SETX: variants seen among roughly 807,000 people sequenced by gnomAD.
SETX encodes helicase senataxin.
In SETX, 90 loss-of-function variants were observed where a neutral mutation model predicts 227.2. That is an observed-to-expected ratio of 0.40 (90% CI 0.33 to 0.47). The LOEUF (loss-of-function observed/expected upper bound fraction) is 0.47. Ranked by LOEUF, SETX falls within the 20% of genes least tolerant of loss-of-function variation. The probability of loss-of-function intolerance (pLI) is 0.91; values close to 1 mark genes in which losing one functional copy is unlikely to be tolerated. For synonymous variants in SETX, 1,210 were observed against 1,113.2 expected (o/e 1.09, Z -1.73); for missense variants, 3,052 against 3,181.5 (o/e 0.96, Z 0.98).
intron 24 of SETX, among the ~76,000 whole-genome samples, 180 bp from the exon 25 acceptor site, chr9:132,269,882 C>G (rs953523516): frequency 4.8e-5 from 7 of 144,882 alleles, no homozygotes; most frequent in South Asian, 2.3e-4. Context: ...CCGTGTGAGA[C>G]ACAGGTGGAT....
rs1844793539 is a variant in SETX at position 132,298,297 on chromosome 9, G to A, written c.5564C>T (p.Thr1855Ile). 1.9e-6 allele frequency: 3 copies of A among 1,613,696 alleles called. No homozygotes were observed. Among genetic ancestry groups the A allele is most frequent in the African/African-American group, 2.7e-5 (2 of 74,904 alleles). ...AGTCTGGATGGAAAGGTAACACTCAGTTTTCCCATTACGCACTATCATCAA... is the reference window on the plus strand; with the variant it reads ...AGTCTGGATGGAAAGGTAACACTCAATTTTCCCATTACGCACTATCATCAA... ...RRTSVMRNGK[T>I]ECYLSIQTQE... is the part of the protein sequence containing the mutation. Residue 1855 changes from threonine to isoleucine, a missense_variant, in exon 13 of 26, where the codon ACT becomes ATT. Physicochemically the swap from Thr to Ile is moderately conservative, Grantham distance 89. Transcript: ENST00000224140.
chr9:132,263,297 G>C lies in SETX; in HGVS notation c.*942C>G, dbSNP rs1413669320. 6.6e-6 allele frequency: 1 copy of C among 152,190 alleles called. No individual in the cohort carries two copies. The highest frequency in any genetic ancestry group is 1.5e-5 in the Non-Finnish European group (1 of 68,040). The allele number at this position is 152,190 out of a possible 1,614,324, so 9.4% of individuals were successfully genotyped here. The stretch of plus-strand genomic sequence containing the variant: ...GAAATGTTGAACACACAGCTTCCCA[G>C]GCTTTCTGGAAAACTAGTTAGATCT... On this transcript the variant is annotated 3_prime_UTR_variant, in exon 26 of 26. Transcript: ENST00000224140.
At chr9:132,310,121 A>G (rs938267924) in intron 11 of SETX, among the ~76,000 whole-genome samples, 4 of 152,248 alleles carry the variant, frequency 2.6e-5, no homozygotes, top group African/African-American at 9.6e-5. Context: ...TTGAACAGGC[A>G]CTTTCCAAAA....
intron 6 of SETX, among the ~76,000 whole-genome samples, chr9:132,335,233 A>C (rs1230800279): frequency 6.6e-6 from 1 of 151,566 alleles, no homozygotes; most frequent in Non-Finnish European, 1.5e-5. Flanking sequence ...TACTAAAAAT[A>C]CAAAAAAATT....
intron 10 of SETX, among the ~76,000 whole-genome samples, chr9:132,316,571 A>T (rs1218374438): frequency 6.6e-6 from 1 of 152,194 alleles, no homozygotes; most frequent in Non-Finnish European, 1.5e-5. Context: ...CTTTCCAAAC[A>T]TATGTGATTT....
At chr9:132,265,943 TATC>T (rs1842628070) in intron 25 of SETX, among the ~76,000 whole-genome samples, 1 of 152,168 alleles carries the variant, frequency 6.6e-6, no homozygotes, top group African/African-American at 2.4e-5. Context: ...GATCTCAAGA[TATC>T]ATCTCACTTT....
At chr9:132,356,259 G>A (rs1201267075), upstream of SETX, among the ~76,000 whole-genome samples, 1 of 152,064 alleles carries the variant, frequency 6.6e-6, no homozygotes, top group Non-Finnish European at 1.5e-5. Flanking sequence ...CTGAAGTGCA[G>A]TGGCGCAGTC....
intron 7 of SETX, among the ~76,000 whole-genome samples, chr9:132,333,520 A>C (rs1847400052): frequency 1.3e-5 from 2 of 151,678 alleles, no homozygotes; most frequent in African/African-American, 4.8e-5. Flanking sequence ...AAATGAGTTT[A>C]TATACAACAT....
At chr9:132,344,985 T>TA (rs1848205547) in intron 4 of SETX, among the ~76,000 whole-genome samples, 1 of 152,074 alleles carries the variant, frequency 6.6e-6, no homozygotes, top group South Asian at 2.1e-4. Flanking sequence ...TAGACAGCTA[T>TA]AATAAGCCAT....
chr9:132,271,085 A>G (rs1444755231), intron 24 of SETX, among the ~76,000 whole-genome samples: 3 of 152,246 alleles, frequency 2.0e-5, no homozygotes, highest in Non-Finnish European at 4.4e-5. Flanking sequence ...AGGTGTCCTT[A>G]GCATCTTAAA....
At chr9:132,299,998 C>T (rs1180694262) in intron 12 of SETX, among the ~76,000 whole-genome samples, 1 of 151,798 alleles carries the variant, frequency 6.6e-6, no homozygotes, top group Non-Finnish European at 1.5e-5. Flanking sequence ...GGACTGGTGG[C>T]GGATGCCTAT....
In SETX at chr9:132,327,007, C is replaced by T; in HGVS notation, c.4591G>A (p.Val1531Ile). The T allele has an allele frequency of 4.3e-6, 7 of 1,614,208 alleles. No individual in the cohort carries two copies. Among genetic ancestry groups the T allele is most frequent in the South Asian group, 1.1e-5 (1 of 91,088 alleles). The change falls in exon 10 of 26, where the codon GTT becomes ATT. Residue 1531 changes from valine (V) to isoleucine (I), a missense_variant. By Grantham distance (29) the Val-to-Ile change is conservative. Coordinates refer to ENST00000224140, the MANE Select transcript of SETX (RefSeq NM_015046.7). ...ELIHGKDTVE[V>I]EEDSVSRPQL... is the part of the protein sequence containing the mutation. The stretch of plus-strand genomic sequence containing the variant: ...GGCCGACTTACAGAATCTTCTTCAA[C>T]CTCAACTGTATCTTTTCCATGAATT...
intron 15 of SETX, among the ~76,000 whole-genome samples, chr9:132,293,653 C>T (rs946204565): frequency 1.3e-5 from 2 of 152,118 alleles, no homozygotes; most frequent in Non-Finnish European, 2.9e-5. Context: ...CTCCTGACCT[C>T]AGGTGATCCA....
intron 18 of SETX, among the ~76,000 whole-genome samples, chr9:132,284,931 T>G (rs113928602): frequency 0.022 from 3,313 of 151,160 alleles, 52 homozygotes; most frequent in Non-Finnish European, 0.035. Flanking sequence ...CAGGCTGGAG[T>G]GCAGTGGCGC....
At chr9:132,294,488 A>T (rs1844545586) in intron 15 of SETX, among the ~76,000 whole-genome samples, 1 of 152,268 alleles carries the variant, frequency 6.6e-6, no homozygotes, top group African/African-American at 2.4e-5. Flanking sequence ...GGAAAAAAGT[A>T]AATCAGAGAC....
rs747289017 is a variant in SETX at position 132,277,062 on chromosome 9, A to C, written c.6933T>G (p.Asn2311Lys). 1 of 1,613,054 alleles carries C rather than the reference A, an allele frequency of 6.2e-7. No homozygotes were observed. Among genetic ancestry groups the C allele is most frequent in the Admixed American group, 1.7e-5 (1 of 60,002 alleles). The change falls in exon 22 of 26, where the codon AAT (asparagine) becomes AAG (lysine). Residue 2311 changes from asparagine (N) to lysine (K), a missense_variant and splice_region_variant. Physicochemically the swap from Asn to Lys is moderately conservative, Grantham distance 94 (BLOSUM62 0). Around this residue, in one of 10 missense-constraint regions of SETX, gnomAD observed 412 missense variants for 589.0 expected, o/e 0.70. Coordinates refer to ENST00000224140, the MANE Select transcript of SETX (RefSeq NM_015046.7). Reference sequence around the variant, plus strand: ...ACTGAGGCAAGAGGAAAACATACTCATTATCCCGTCTTTCTGAACCATCTC... The same window carrying C: ...ACTGAGGCAAGAGGAAAACATACTCCTTATCCCGTCTTTCTGAACCATCTC... ...DVGDGSERRDNDSYINVQEIK... is the reference protein window; with the variant it reads ...DVGDGSERRDKDSYINVQEIK...
rs527769930 is a variant in SETX, at chr9:132,335,997, T to C, written c.718+299A>G. ...TAGCTCACGCCTGTAATCCCAGCAC[T>C]TTAGGAGGCCAGGGTGGGCAGATCA... On this transcript the variant is annotated intron_variant, in intron 6 of 25. Transcript: ENST00000224140. Among the ~76,000 whole-genome samples, 216 of 152,292 alleles carry C rather than the reference T, an allele frequency of 1.4e-3. 1 individual carries two copies. The highest frequency in any genetic ancestry group is 4.8e-3 in the African/African-American group (199 of 41,564).
At chr9:132,331,208 T>TA in intron 8 of SETX, 69 bp from the exon 9 acceptor site, 1 of 1,607,624 alleles carries the variant, frequency 6.2e-7, no homozygotes, top group Non-Finnish European at 8.5e-7. Flanking sequence ...CACCTCTTGT[T>TA]AAGTAATCTA....
At chr9:132,351,682 C>T (rs1156658219) in intron 2 of SETX, among the ~76,000 whole-genome samples, 3 of 152,204 alleles carry the variant, frequency 2.0e-5, no homozygotes, top group Admixed American at 2.0e-4. Flanking sequence ...GGCCTAATGG[C>T]TAAGCCCAGG....
Sources: gnomAD v4.1 joint callset for allele counts (sites outside exome capture counted in the v4.1 genomes callset) on GRCh38, gnomAD v4.1.1 for gene constraint, gnomAD v4.1.1 regional missense constraint, MANE v1.5 for transcripts, NCBI Gene and HGNC (gene_info 2026-07-23, HGNC 2026-07-21) for gene names.